SUSD4: variants seen among roughly 807,000 people sequenced by gnomAD.
The protein encoded by SUSD4 is sushi domain containing 4, also known as sushi domain-containing protein 4.
SUSD4 carries 41 observed loss-of-function variants against 50.5 expected under a neutral mutation model. The observed-to-expected ratio is 0.81, with a 90% CI of 0.63 to 1.05. The LOEUF (loss-of-function observed/expected upper bound fraction) is 1.05. Among genes scored for constraint, SUSD4 ranks in the 50% least tolerant of loss-of-function variants. The pLI, the probability that SUSD4 is intolerant of heterozygous loss-of-function variation, is 0.00. For missense variants in SUSD4, 580 were observed against 634.7 expected, an observed-to-expected ratio of 0.91 and a Z score of 0.93; for synonymous variants, 257 against 257.3, an observed-to-expected ratio of 1.00 and a Z score of 0.01.
chr1:223,318,755 TC>T (rs1666385028), intron 2 of SUSD4, among the ~76,000 whole-genome samples: 2 of 150,990 alleles, frequency 1.3e-5, no homozygotes, highest in African/African-American at 4.9e-5. Flanking sequence ...TTCAATGCCA[TC>T]CCCATCAAGC....
intron 2 of SUSD4, among the ~76,000 whole-genome samples, chr1:223,315,623 T>C (rs903816870): frequency 2.0e-5 from 3 of 152,226 alleles, no homozygotes; most frequent in African/African-American, 7.2e-5. Flanking sequence ...TTCTGACTAT[T>C]AAACGCTTTC....
At chr1:223,268,042 T>TAC (rs374538693) in intron 4 of SUSD4, among the ~76,000 whole-genome samples, 19 of 106,816 alleles carry the variant, frequency 1.8e-4, no homozygotes, top group Admixed American at 1.0e-3. Context: ...TATATATATA[T>TAC]ACACACACAC....
At chr1:223,316,373 G>T (rs139635646) in intron 2 of SUSD4, among the ~76,000 whole-genome samples, 19 of 152,234 alleles carry the variant, frequency 1.2e-4, no homozygotes, top group Middle Eastern at 3.4e-3. Flanking sequence ...GCATCCCATG[G>T]CTTACAGGGT....
intron 2 of SUSD4, among the ~76,000 whole-genome samples, chr1:223,331,461 G>A (rs1352227919): frequency 6.6e-6 from 1 of 152,150 alleles, no homozygotes; most frequent in South Asian, 2.1e-4. Context: ...AAACACAGCT[G>A]AACCTGTGTC....
At chr1:223,296,739 C>G (rs548772584) in intron 2 of SUSD4, among the ~76,000 whole-genome samples, 5 of 152,220 alleles carry the variant, frequency 3.3e-5, no homozygotes, top group African/African-American at 1.2e-4. Context: ...CCATGCTGTT[C>G]TTGTGATAGT....
chr1:223,244,905 G>C (rs1269549629), intron 5 of SUSD4, among the ~76,000 whole-genome samples: 1 of 152,166 alleles, frequency 6.6e-6, no homozygotes. Context: ...ACAGAAGAGA[G>C]ACTAACAGCA....
intron 5 of SUSD4, among the ~76,000 whole-genome samples, chr1:223,260,287 T>C (rs1027014570): frequency 2.0e-5 from 3 of 152,254 alleles, no homozygotes; most frequent in African/African-American, 4.8e-5. Flanking sequence ...CCTTTCTTTG[T>C]AATTCCCCAG....
rs2103062525 is a variant in SUSD4, at chr1:223,259,542, A to G, written c.724+5088T>C. On this transcript the variant is annotated intron_variant, in intron 5 of 8. Coordinates refer to ENST00000366878, the MANE Select transcript of SUSD4 (RefSeq NM_017982.4). ...AAGAGCTGCCCCCAGAAATTTCTAT[A>G]ACTGGATACCCAGCACCTCTGTGCT... Among the ~76,000 whole-genome samples the G allele has an allele frequency of 1.3e-5, 2 of 152,302 alleles. 1 individual carries two copies. The highest frequency in any genetic ancestry group is 6.8e-3 in the Middle Eastern group (2 of 294).
At chr1:223,363,558 C>T in intron 1 of SUSD4, 98 bp from the exon 2 acceptor site, 1 of 1,328,312 alleles carries the variant, frequency 7.5e-7, no homozygotes, top group Admixed American at 2.9e-5. Flanking sequence ...CTCGGCTTCC[C>T]AGGCTCCATC....
chr1:223,358,950 C>T (rs1558282911), intron 2 of SUSD4: 3 of 409,776 alleles, frequency 7.3e-6, no homozygotes, highest in East Asian at 1.5e-4. Flanking sequence ...CTTAACACTA[C>T]AAATCAGTGA....
rs544494227 is a variant in SUSD4 at position 223,288,906 on chromosome 1, A to AT, written c.361+3532dup. On this transcript the variant is annotated intron_variant, in intron 3 of 8. Coordinates refer to ENST00000366878, the MANE Select transcript of SUSD4 (RefSeq NM_017982.4). ...GCAAGAGCTTCAGTGAGGATGCAGC[A>AT]TTTTTTATGTCCTGAGGACGTATGT... 1.3e-4 allele frequency among the ~76,000 whole-genome samples: 20 copies of AT among 152,328 alleles called. No homozygotes were observed. The East Asian group carries it at 1.7e-3, about 13-fold the overall frequency.
intron 3 of SUSD4, among the ~76,000 whole-genome samples, chr1:223,286,828 A>G (rs896900519): frequency 4.6e-5 from 7 of 152,238 alleles, no homozygotes; most frequent in Non-Finnish European, 7.3e-5. Flanking sequence ...TTTCAGATCA[A>G]GGAACCTCTC....
chr1:223,310,848 T>A (rs1349041423), intron 2 of SUSD4, among the ~76,000 whole-genome samples: 1 of 152,184 alleles, frequency 6.6e-6, no homozygotes, highest in Non-Finnish European at 1.5e-5. Flanking sequence ...AATGAAGCAG[T>A]GAGGTGCCTC....
intron 5 of SUSD4, chr1:223,264,393 C>G: frequency 8.1e-7 from 1 of 1,228,874 alleles, no homozygotes; most frequent in South Asian, 3.5e-5. Context: ...TTAATGTTCG[C>G]AACTTTTTCT....
intron 5 of SUSD4, among the ~76,000 whole-genome samples, chr1:223,248,432 G>A (rs1431403823): frequency 1.3e-5 from 2 of 152,158 alleles, no homozygotes; most frequent in East Asian, 3.8e-4. Flanking sequence ...GCCATCCCCA[G>A]TCTGATCTAA....
At chr1:223,309,763 T>C (rs1483875265) in intron 2 of SUSD4, among the ~76,000 whole-genome samples, 1 of 152,214 alleles carries the variant, frequency 6.6e-6, no homozygotes, top group African/African-American at 2.4e-5. Context: ...ACAAGATGCA[T>C]TCCACCAGAA....
chr1:223,268,418 T>C, intron 4 of SUSD4, 84 bp downstream of exon 4: 1 of 1,495,578 alleles, frequency 6.7e-7, no homozygotes, highest in Non-Finnish European at 8.9e-7. Flanking sequence ...TCTCTATCAC[T>C]TTATTAGATA....
chr1:223,221,067 G>A lies in SUSD4; in HGVS notation c.*1125C>T, dbSNP rs1352585202. ...AGTTTCTTAGGAACAACACCCAGTG[G>A]GCATGATGAGACCCTCAAAGTAGGA... On this transcript the variant is annotated 3_prime_UTR_variant, in exon 9 of 9. Coordinates refer to ENST00000366878, the MANE Select transcript of SUSD4 (RefSeq NM_017982.4). 2.5e-6 allele frequency: 1 copy of A among 400,812 alleles called. No individual in the cohort carries two copies. Among genetic ancestry groups the A allele is most frequent in the Non-Finnish European group, 4.4e-6 (1 of 226,256 alleles). 24.8% of individuals were successfully genotyped at this position (400,812 alleles called of 1,614,324 possible).
At chr1:223,364,598 T>C (rs1669210989), upstream of SUSD4, among the ~76,000 whole-genome samples, 1 of 150,572 alleles carries the variant, frequency 6.6e-6, no homozygotes, top group Non-Finnish European at 1.5e-5. This position sits in a 1 kb window ranked among gnomAD's most constrained non-coding sequence, Gnocchi z 4.5. Flanking sequence ...GGCGCTGGAC[T>C]GCAGCCCCTG....
Sources: gnomAD v4.1 joint callset for allele counts (sites outside exome capture counted in the v4.1 genomes callset) on GRCh38, gnomAD v4.1.1 for gene constraint, Gnocchi (gnomAD v3.1) non-coding constraint, MANE v1.5 for transcripts, NCBI Gene and HGNC (gene_info 2026-07-23, HGNC 2026-07-21) for gene names.